Variants in VPS13A observed in about 807,000 individuals in gnomAD.
VPS13A encodes the protein intermembrane lipid transfer protein VPS13A.
VPS13A carries 264 observed loss-of-function variants against 390.9 expected under a neutral mutation model. The observed-to-expected ratio is 0.68, with a 90% CI of 0.61 to 0.75. The LOEUF (loss-of-function observed/expected upper bound fraction) is 0.75, where lower values mean the gene tolerates loss of function less well. VPS13A is among the 30% of genes least tolerant of loss of function. The probability of loss-of-function intolerance (pLI) is 0.00; values close to 1 mark genes in which losing one functional copy is unlikely to be tolerated. For synonymous variants in VPS13A, 1,231 were observed against 1,227.1 expected (o/e 1.00, Z -0.07); for missense variants, 3,409 against 3,733.9 (o/e 0.91, Z 2.27).
intron 68 of VPS13A, chr9:77,382,710 A>G (rs1350338868): frequency 8.1e-6 from 8 of 988,358 alleles, no homozygotes; most frequent in Non-Finnish European, 9.6e-6. Flanking sequence ...AAAATGCTTA[A>G]ATGGCCATGA....
intron 59 of VPS13A, among the ~76,000 whole-genome samples, chr9:77,361,103 AG>A (rs1366558791): frequency 6.6e-6 from 1 of 152,124 alleles, no homozygotes; most frequent in Non-Finnish European, 1.5e-5. Context: ...ATGGAGAAAG[AG>A]CAAATTAGTA....
chr9:77,370,132 A>G (rs1288399461), intron 63 of VPS13A, 125 bp from the exon 64 acceptor site: 5 of 1,055,824 alleles, frequency 4.7e-6, no homozygotes, highest in African/African-American at 3.2e-5. Context: ...TTTTGCTGAT[A>G]TTACTTCCTC....
intron 46 of VPS13A, among the ~76,000 whole-genome samples, chr9:77,332,613 A>G (rs1830335173): frequency 6.6e-6 from 1 of 151,972 alleles, no homozygotes; most frequent in Admixed American, 6.6e-5. Context: ...TAAATTTGAT[A>G]CAATATGTTT....
intron 68 of VPS13A, chr9:77,384,449 G>A: frequency 8.2e-7 from 1 of 1,221,218 alleles, no homozygotes; most frequent in Non-Finnish European, 1.2e-6. Context: ...CATAATTACA[G>A]TCTGAGTCAT....
chr9:77,274,538 T>A (rs1445713164), intron 24 of VPS13A, among the ~76,000 whole-genome samples: 1 of 151,934 alleles, frequency 6.6e-6, no homozygotes, highest in Non-Finnish European at 1.5e-5. Flanking sequence ...TTCTAATGTG[T>A]TTTTTAGTTA....
chr9:77,304,257 A>G (rs1232965668), intron 34 of VPS13A, among the ~76,000 whole-genome samples: 1 of 152,196 alleles, frequency 6.6e-6, no homozygotes, highest in Non-Finnish European at 1.5e-5. Context: ...CCTTGATTTC[A>G]TACAACACAT....
chr9:77,194,387 C>A (rs1824866562), intron 1 of VPS13A, among the ~76,000 whole-genome samples: 1 of 151,962 alleles, frequency 6.6e-6, no homozygotes, highest in African/African-American at 2.4e-5. Flanking sequence ...ATCTGACAAG[C>A]CCTGTGCCAT....
chr9:77,287,753 A>G (rs1402782853), intron 31 of VPS13A, among the ~76,000 whole-genome samples: 1 of 152,198 alleles, frequency 6.6e-6, no homozygotes, highest in Non-Finnish European at 1.5e-5. Context: ...GGTGGAGGAA[A>G]GAGCAACTAT....
At chr9:77,322,495 G>C (rs562010748) in intron 44 of VPS13A, among the ~76,000 whole-genome samples, 1 of 151,926 alleles carries the variant, frequency 6.6e-6, no homozygotes, top group African/African-American at 2.4e-5. Context: ...GGTGTTTCAG[G>C]TGTTGTCATA....
intron 26 of VPS13A, among the ~76,000 whole-genome samples, chr9:77,276,710 A>G (rs1034010869): frequency 2.6e-5 from 4 of 152,136 alleles, no homozygotes; most frequent in African/African-American, 4.8e-5. Flanking sequence ...GTTTAAGTCT[A>G]TGTTTCCTTG....
chr9:77,393,800 C>T (rs539138936), intron 68 of VPS13A, among the ~76,000 whole-genome samples: 3 of 152,274 alleles, frequency 2.0e-5, no homozygotes, highest in Non-Finnish European at 2.9e-5. Flanking sequence ...GACGGAGTCT[C>T]GCTCTGTCAC....
intron 20 of VPS13A, among the ~76,000 whole-genome samples, chr9:77,247,809 C>T (rs1218133179): frequency 5.3e-5 from 8 of 152,040 alleles, no homozygotes; most frequent in African/African-American, 1.7e-4. Context: ...TACATGTGCC[C>T]GCCACCACGC....
chr9:77,331,919 T>G, intron 45 of VPS13A, 91 bp from the exon 46 acceptor site: 1 of 831,004 alleles, frequency 1.2e-6, no homozygotes, highest in South Asian at 1.5e-5. Flanking sequence ...GATAGTTCCT[T>G]TGTTAAGATA....
In VPS13A at chr9:77,177,629, C is replaced by A; in HGVS notation, c.-76C>A. ...CCGGAGCCGGTGAACCGAATTACCTCGAGGGAGGGGCGTGGGGAAGGCGGC... is the reference window on the plus strand; with the variant it reads ...CCGGAGCCGGTGAACCGAATTACCTAGAGGGAGGGGCGTGGGGAAGGCGGC... On this transcript the variant is annotated 5_prime_UTR_variant, in exon 1 of 72. Coordinates refer to ENST00000360280, the MANE Select transcript of VPS13A (RefSeq NM_033305.3). 7.2e-7 allele frequency: 1 copy of A among 1,389,418 alleles called. No homozygotes were observed. The highest frequency in any genetic ancestry group is 1.4e-5 in the African/African-American group (1 of 70,562). 86.1% of individuals were successfully genotyped at this position (1,389,418 alleles called of 1,614,324 possible). A position where few individuals can be genotyped will look rare whatever the true frequency, so the allele number is the denominator to read the frequency against.
At chr9:77,361,002 G>A (rs1050846771) in intron 59 of VPS13A, among the ~76,000 whole-genome samples, 1 of 152,050 alleles carries the variant, frequency 6.6e-6, no homozygotes, top group African/African-American at 2.4e-5. Flanking sequence ...TTAAAAGGTG[G>A]TATCATCTGG....
At chr9:77,198,300 A>C (rs1222726176) in intron 1 of VPS13A, among the ~76,000 whole-genome samples, 1 of 152,112 alleles carries the variant, frequency 6.6e-6, no homozygotes, top group Non-Finnish European at 1.5e-5. Flanking sequence ...TTGTCTGAGA[A>C]GTCTCTGATT....
In VPS13A at chr9:77,212,851, CT is replaced by C. The variant is rs370185024; in HGVS notation, c.556-115del. 2.7e-4 allele frequency: 285 copies of C among 1,074,586 alleles called. 5 individuals carry two copies. Among genetic ancestry groups the C allele is most frequent in the South Asian group, 1.6e-3 (120 of 75,920 alleles). The allele number at this position is 1,074,586 out of a possible 1,614,324, so 66.6% of individuals were successfully genotyped here. On this transcript the variant is annotated intron_variant, in intron 7 of 71. Transcript: ENST00000360280. Reference sequence around the variant, plus strand: ...AGTATTTTTTGATGGAGTGATATGTCTTTAAAGGCATTTTCATGAAAGGGAC... The same window carrying C: ...AGTATTTTTTGATGGAGTGATATGTCTTAAAGGCATTTTCATGAAAGGGAC...
rs751585852 is a variant in VPS13A, at chr9:77,205,368, C to T, written c.243C>T (p.Ala81=). The T allele has an allele frequency of 6.7e-6, 10 of 1,481,810 alleles. No homozygotes were observed. The highest frequency in any genetic ancestry group is 1.9e-4 in the Middle Eastern group (1 of 5,360). 91.8% of individuals were successfully genotyped at this position (1,481,810 alleles called of 1,614,324 possible). Residue 81 remains alanine, a synonymous_variant, in exon 4 of 72, where the codon GCC becomes GCT. Coordinates refer to ENST00000360280, the MANE Select transcript of VPS13A (RefSeq NM_033305.3). ...ACCTTTATACTCAACCTGTTGAAGCCGTATTGGAAGAAATTTATTTACTTA... is the reference window on the plus strand; with the variant it reads ...ACCTTTATACTCAACCTGTTGAAGCTGTATTGGAAGAAATTTATTTACTTA... ...WKNLYTQPVE[A]VLEEIYLLIV... is the part of the protein sequence containing the mutation.
intron 71 of VPS13A, among the ~76,000 whole-genome samples, chr9:77,409,685 A>G (rs1342769911): frequency 8.6e-5 from 13 of 151,202 alleles, no homozygotes; most frequent in African/African-American, 2.9e-4. Context: ...GATCAACTGG[A>G]AGAAAGGGTA....
Sources: allele counts gnomAD v4.1 joint callset (sites outside exome capture counted in the v4.1 genomes callset), GRCh38; gene constraint gnomAD v4.1.1; transcripts MANE v1.5; gene names NCBI Gene and HGNC (gene_info 2026-07-23, HGNC 2026-07-21).